Variants in MPDZ observed in about 807,000 individuals in gnomAD.
MPDZ encodes multiple PDZ domain protein.
Under a neutral mutation model 239.1 loss-of-function variants are expected in MPDZ, and 234 were observed. That is an observed-to-expected ratio of 0.98 (90% confidence interval 0.88 to 1.09). The LOEUF (loss-of-function observed/expected upper bound fraction) is 1.09. MPDZ is among the 50% of genes least tolerant of loss of function. The pLI is 0.00. For synonymous variants in MPDZ, 1,048 were observed against 881.3 expected, an observed-to-expected ratio of 1.19 and a Z score of -3.35; for missense variants, 3,175 against 2,510.0, an observed-to-expected ratio of 1.26 and a Z score of -5.66.
intron 22 of MPDZ, chr9:13,165,621 T>A (rs998908395): frequency 4.5e-6 from 2 of 443,858 alleles, no homozygotes; most frequent in African/African-American, 4.0e-5. Flanking sequence ...TTAACAAGCA[T>A]GAAAAAATGT....
At chr9:13,171,155 A>T (rs998813289) in intron 21 of MPDZ, among the ~76,000 whole-genome samples, 3 of 152,202 alleles carry the variant, frequency 2.0e-5, no homozygotes, top group Admixed American at 6.6e-5. Context: ...TGAGAAACAC[A>T]TATGTAATAG....
At chr9:13,182,330 AATAGAT>A (rs1395021356) in intron 19 of MPDZ, among the ~76,000 whole-genome samples, 13 of 152,242 alleles carry the variant, frequency 8.5e-5, no homozygotes, top group East Asian at 1.9e-4. Context: ...GCCATGATTT[AATAGAT>A]ATAAACATTC....
intron 15 of MPDZ, among the ~76,000 whole-genome samples, chr9:13,190,746 C>T (rs964475850): frequency 1.3e-5 from 2 of 152,098 alleles, no homozygotes; most frequent in Non-Finnish European, 2.9e-5. Flanking sequence ...AATGCTGTGA[C>T]TTGTGCATAT....
At chr9:13,229,674 G>GA (rs1016194883) in intron 3 of MPDZ, among the ~76,000 whole-genome samples, 7 of 151,072 alleles carry the variant, frequency 4.6e-5, no homozygotes, top group Non-Finnish European at 1.0e-4. Flanking sequence ...ATCTTGGGCA[G>GA]AAAAAAAATT....
At chr9:13,247,430 T>C (rs1244477451) in intron 3 of MPDZ, among the ~76,000 whole-genome samples, 1 of 152,160 alleles carries the variant, frequency 6.6e-6, no homozygotes, top group East Asian at 1.9e-4. Context: ...CAATGTCATA[T>C]CATCTACAAT....
intron 12 of MPDZ, among the ~76,000 whole-genome samples, chr9:13,204,323 C>T (rs1391254310): frequency 1.3e-5 from 2 of 152,016 alleles, no homozygotes; most frequent in Non-Finnish European, 2.9e-5. Context: ...TGTGGTGGCT[C>T]GCATCTGTAA....
intron 23 of MPDZ, among the ~76,000 whole-genome samples, chr9:13,161,247 T>C (rs1950449170): frequency 6.6e-6 from 1 of 151,908 alleles, no homozygotes; most frequent in South Asian, 2.1e-4. Context: ...GACCGTGGTG[T>C]TCTGGGATGT....
intron 16 of MPDZ, among the ~76,000 whole-genome samples, chr9:13,189,439 T>C (rs10733256): frequency 0.98 from 148,959 of 152,096 alleles, 72,984 homozygotes; most frequent in East Asian, 1. Context: ...AATGAAAGAA[T>C]AGAGAGCAAG....
chr9:13,153,331 C>A (rs1354416045), intron 24 of MPDZ, among the ~76,000 whole-genome samples: 1 of 152,118 alleles, frequency 6.6e-6, no homozygotes, highest in Non-Finnish European at 1.5e-5. Context: ...GATCCTTGAT[C>A]TTATAAAATT....
At chr9:13,230,127 T>C (rs1181381782) in intron 3 of MPDZ, among the ~76,000 whole-genome samples, 38 of 152,076 alleles carry the variant, frequency 2.5e-4, no homozygotes, top group Non-Finnish European at 1.5e-4. Flanking sequence ...CAAACTAAAA[T>C]CAAAAAGAAA....
intron 16 of MPDZ, 135 bp downstream of exon 16, chr9:13,189,966 GATAATCAGTGAAT>G: frequency 1.1e-5 from 7 of 634,480 alleles, no homozygotes; most frequent in Non-Finnish European, 1.8e-5. Context: ...AATCCTTTAT[GATAATCAGTGAAT>G]CCTATAAATC....
intron 1 of MPDZ, among the ~76,000 whole-genome samples, chr9:13,253,011 A>C (rs1968513067): frequency 1.3e-5 from 2 of 152,208 alleles, no homozygotes; most frequent in Admixed American, 6.5e-5. Context: ...TTTGGTATGC[A>C]CATGAAAAAA....
At chr9:13,109,450 A>T (rs1333464890) in intron 45 of MPDZ, among the ~76,000 whole-genome samples, 1 of 152,170 alleles carries the variant, frequency 6.6e-6, no homozygotes, top group Non-Finnish European at 1.5e-5. Flanking sequence ...GAGAAAAATC[A>T]ATTATAAGCA....
chr9:13,243,694 C>T (rs1965944951), intron 3 of MPDZ, among the ~76,000 whole-genome samples: 1 of 152,162 alleles, frequency 6.6e-6, no homozygotes, highest in Non-Finnish European at 1.5e-5. Context: ...GTTAACACAG[C>T]ATCTCTACAG....
chr9:13,183,498 C>A lies in MPDZ; in HGVS notation c.2569G>T (p.Ala857Ser), dbSNP rs1310689185. The A allele has an allele frequency of 1.2e-6, 2 of 1,612,314 alleles. No homozygotes were observed. The highest frequency in any genetic ancestry group is 2.2e-5 in the South Asian group (2 of 90,984). ...CTGCCATGAAGAGATAAAATAGAGG[C>A]TTGAGTAGAGTAGATGCTGTCATTT... Reference protein sequence around the residue: ...PENDSIYSTQASILSLHGSSC... With the variant: ...PENDSIYSTQSSILSLHGSSC... Residue 857 changes from alanine to serine, a missense_variant, in exon 19 of 47, where the codon GCC becomes TCC. Coordinates refer to ENST00000319217, the MANE Select transcript of MPDZ (RefSeq NM_001378778.1).
rs776093715 is a variant in MPDZ, at chr9:13,217,137, G to C, written c.1201+43C>G. On this transcript the variant is annotated intron_variant, in intron 9 of 46. Coordinates refer to ENST00000319217, the MANE Select transcript of MPDZ (RefSeq NM_001378778.1). ...TATTTTATAAGAGATAGATATCAGAGGTAATTGTCAAGTTTAAAAGAATAC... is the reference window on the plus strand; with the variant it reads ...TATTTTATAAGAGATAGATATCAGACGTAATTGTCAAGTTTAAAAGAATAC... 1.3e-4 allele frequency: 156 copies of C among 1,212,776 alleles called. No homozygotes were observed. The Middle Eastern group carries it at 1.3e-3, about 10-fold the overall frequency. 75.1% of individuals were successfully genotyped at this position (1,212,776 alleles called of 1,614,324 possible).
chr9:13,263,593 A>C (rs577153874), intron 1 of MPDZ, among the ~76,000 whole-genome samples: 1 of 152,290 alleles, frequency 6.6e-6, no homozygotes, highest in South Asian at 2.1e-4. Context: ...TTTTACTATT[A>C]AAAACGAAGC....
intron 10 of MPDZ, among the ~76,000 whole-genome samples, chr9:13,212,155 CAACTT>C (rs1337009468): frequency 3.3e-5 from 5 of 151,982 alleles, no homozygotes; most frequent in African/African-American, 1.2e-4. Context: ...TATTTAATAA[CAACTT>C]AAAATATGTT....
intron 8 of MPDZ, among the ~76,000 whole-genome samples, chr9:13,218,643 G>A (rs986730395): frequency 3.3e-5 from 5 of 151,974 alleles, no homozygotes; most frequent in South Asian, 2.1e-4. Flanking sequence ...TGTGGAGGAG[G>A]TTAGGATATT....
Sources: allele counts gnomAD v4.1 joint callset (sites outside exome capture counted in the v4.1 genomes callset), GRCh38; gene constraint gnomAD v4.1.1; transcripts MANE v1.5; gene names NCBI Gene and HGNC (gene_info 2026-07-23, HGNC 2026-07-21).